The following SRGAP2 variants were observed in gnomAD, a reference collection of about 807,000 sequenced individuals.
SRGAP2 encodes the protein SLIT-ROBO Rho GTPase-activating protein 2.
A neutral mutation model predicts 57.2 loss-of-function variants in SRGAP2; 15 were observed. The ratio of observed to expected loss-of-function variants is 0.26; its 90% CI spans 0.18 to 0.40. The LOEUF is 0.40. Among genes scored for constraint, SRGAP2 ranks in the 10% least tolerant of loss-of-function variants. The pLI, the probability that SRGAP2 is intolerant of heterozygous loss-of-function variation, is 1.00. For synonymous variants in SRGAP2, 249 were observed against 248.0 expected, an observed-to-expected ratio of 1.00 and a Z score of -0.04; for missense variants, 520 against 669.6, an observed-to-expected ratio of 0.78 and a Z score of 2.47.
Position 206,461,088 on chromosome 1 carries a change from C to A in SRGAP2, c.2884C>A (p.Arg962=). ...CCTGAATGAGCTACGGGAACTAGAA[C>A]GGCAGAGCAGTGTCAAACACACCCC... is the stretch of plus-strand genomic sequence containing the variant. ...SALNELRELE[R]QSSVKHTPDV... Residue 962 remains arginine, a synonymous_variant, in exon 23 of 23, where the codon CGG becomes AGG. Transcript: ENST00000573034. 1 of 760,628 alleles carries A rather than the reference C, an allele frequency of 1.3e-6. No individual in the cohort carries two copies. The highest frequency in any genetic ancestry group is 1.4e-5 in the South Asian group (1 of 72,862). The allele number at this position is 760,628 out of a possible 1,614,324, so 47.1% of individuals were successfully genotyped here.
At chr1:206,386,066 C>T (rs1656214825) in intron 5 of SRGAP2, among the ~76,000 whole-genome samples, 1 of 152,116 alleles carries the variant, frequency 6.6e-6, no homozygotes, top group Non-Finnish European at 1.5e-5. Context: ...GGGAGTTTTA[C>T]CCCGAGAGGA....
intron 12 of SRGAP2, among the ~76,000 whole-genome samples, chr1:206,419,822 T>A (rs1321307021): frequency 2.6e-5 from 4 of 151,406 alleles, no homozygotes; most frequent in African/African-American, 4.9e-5. Flanking sequence ...TTTTTTTTTT[T>A]AATGCCCAGA....
At chr1:206,418,884 CTCTCTGTGTGTGTG>C (rs1254164441) in intron 11 of SRGAP2, among the ~76,000 whole-genome samples, 5 of 109,144 alleles carry the variant, frequency 4.6e-5, no homozygotes, top group African/African-American at 1.4e-4. Context: ...GCCTCCAACT[CTCTCTGTGTGTGTG>C]TGTGTGTGTG....
intron 4 of SRGAP2, among the ~76,000 whole-genome samples, chr1:206,363,723 C>T (rs1331319801): frequency 1.3e-5 from 2 of 152,122 alleles, no homozygotes; most frequent in Non-Finnish European, 2.9e-5. Context: ...TTGGTTTCCT[C>T]ATGGTTGGAT....
At chr1:206,453,421 TG>T in intron 20 of SRGAP2, 41 bp downstream of exon 20, 1 of 568,952 alleles carries the variant, frequency 1.8e-6, no homozygotes, top group Non-Finnish European at 3.3e-6. Context: ...GGTCCCCAGC[TG>T]CTCTATGGGA....
chr1:206,280,215 G>A (rs1670653066), intron 2 of SRGAP2, among the ~76,000 whole-genome samples: 1 of 142,026 alleles, frequency 7.0e-6, no homozygotes, highest in African/African-American at 2.6e-5. Context: ...GAATAGCTGG[G>A]ATTACAGGAA....
intron 2 of SRGAP2, among the ~76,000 whole-genome samples, chr1:206,210,030 A>G (rs1402606443): frequency 3.5e-5 from 5 of 142,140 alleles, no homozygotes; most frequent in African/African-American, 1.4e-4. Flanking sequence ...GCTGATGTAC[A>G]TTAATCTCTG....
chr1:206,449,921 C>G (rs1553375256), intron 18 of SRGAP2, among the ~76,000 whole-genome samples: 1 of 152,194 alleles, frequency 6.6e-6, no homozygotes, highest in East Asian at 1.9e-4. Flanking sequence ...GATGAGGCAG[C>G]TGAGGCTTAA....
chr1:206,446,174 G>GA lies in SRGAP2; in HGVS notation c.1974_1975insA (p.Ser659IlefsTer8), dbSNP rs782337107. Reference sequence around the variant, plus strand: ...CAGTGCCAGAGGGCCACGACCAGGTGTCCTGCCAAGCCCACGTGAATGAGC... The same window carrying GA: ...CAGTGCCAGAGGGCCACGACCAGGTGATCCTGCCAAGCCCACGTGAATGAGC... On this transcript the variant is annotated frameshift_variant, in exon 18 of 23. Coordinates refer to ENST00000573034, the MANE Select transcript of SRGAP2 (RefSeq NM_015326.5). LOFTEE classifies it high-confidence loss of function. 1 of 780,922 alleles carries GA rather than the reference G, an allele frequency of 1.3e-6. No homozygotes were observed. Among genetic ancestry groups the GA allele is most frequent in the Non-Finnish European group, 2.4e-6 (1 of 418,006 alleles). The allele number at this position is 780,922 out of a possible 1,614,324, so 48.4% of individuals were successfully genotyped here.
At chr1:206,445,736 G>A (rs1553373501) in intron 17 of SRGAP2, among the ~76,000 whole-genome samples, 1 of 152,214 alleles carries the variant, frequency 6.6e-6, no homozygotes, top group Non-Finnish European at 1.5e-5. Flanking sequence ...GCTCTGCAGA[G>A]TGACATGTTC....
intron 15 of SRGAP2, 38 bp from the exon 16 acceptor site, chr1:206,437,926 C>T (rs782394581): frequency 1.3e-6 from 1 of 779,050 alleles, no homozygotes; most frequent in East Asian, 2.4e-5. Context: ...TTGCCTCTCT[C>T]ACTCTCTTTC....
chr1:206,458,004 C>G (rs1423950840), intron 21 of SRGAP2, among the ~76,000 whole-genome samples: 9 of 152,216 alleles, frequency 5.9e-5, no homozygotes, highest in African/African-American at 2.2e-4. Flanking sequence ...CAGGGTTCAG[C>G]CCAGTGCTGG....
chr1:206,269,315 G>C, intron 2 of SRGAP2, among the ~76,000 whole-genome samples: 1 of 120,458 alleles, frequency 8.3e-6, no homozygotes, highest in Non-Finnish European at 1.7e-5. Context: ...CTTATGGAAG[G>C]GTAATGACTG....
intron 3 of SRGAP2, among the ~76,000 whole-genome samples, chr1:206,332,869 G>A (rs1674474328): frequency 6.6e-6 from 1 of 151,196 alleles, no homozygotes; most frequent in Admixed American, 6.6e-5. Flanking sequence ...CGTTCCTTTG[G>A]AGGAGGAGAG....
At chr1:206,327,453 G>A (rs1224374957) in intron 3 of SRGAP2, among the ~76,000 whole-genome samples, 1 of 145,742 alleles carries the variant, frequency 6.9e-6, no homozygotes, top group African/African-American at 2.6e-5. Context: ...TAGTCACTTT[G>A]TTTTGTGGGT....
chr1:206,287,497 A>T (rs1372695413), intron 2 of SRGAP2, among the ~76,000 whole-genome samples: 1 of 85,154 alleles, frequency 1.2e-5, no homozygotes, highest in Non-Finnish European at 2.3e-5. Flanking sequence ...AACAAAGGAG[A>T]CAGAATGTGT....
intron 2 of SRGAP2, among the ~76,000 whole-genome samples, chr1:206,267,885 G>T (rs1669957387): frequency 2.0e-5 from 3 of 150,954 alleles, no homozygotes; most frequent in Admixed American, 2.0e-4. Flanking sequence ...AGTGATGGAT[G>T]AATTCTCAAT....
intron 2 of SRGAP2, among the ~76,000 whole-genome samples, chr1:206,300,048 T>G (rs1344123124): frequency 2.5e-4 from 38 of 151,258 alleles, no homozygotes; most frequent in Admixed American, 4.6e-4. Flanking sequence ...GGGATATTGC[T>G]TTCTCACTGT....
At chr1:206,242,387 A>G (rs1553309391) in intron 2 of SRGAP2, among the ~76,000 whole-genome samples, 1 of 151,392 alleles carries the variant, frequency 6.6e-6, no homozygotes, top group Non-Finnish European at 1.5e-5. Context: ...TATTTTGATT[A>G]TAAAGTGTAG....
Sources: gnomAD v4.1 joint callset for allele counts (sites outside exome capture counted in the v4.1 genomes callset) on GRCh38, gnomAD v4.1.1 for gene constraint, MANE v1.5 for transcripts, NCBI Gene and HGNC (gene_info 2026-07-23, HGNC 2026-07-21) for gene names.